SPARCL1: variants seen among roughly 807,000 people sequenced by gnomAD.
SPARCL1 encodes SPARC like 1.
Under a neutral mutation model 67.1 loss-of-function variants are expected in SPARCL1, and 52 were observed. The observed-to-expected ratio is 0.78, with a 90% CI of 0.62 to 0.98. The LOEUF (loss-of-function observed/expected upper bound fraction) is 0.98. SPARCL1 is among the 50% of genes least tolerant of loss of function. The pLI, the probability that SPARCL1 is intolerant of heterozygous loss-of-function variation, is 0.00. For synonymous variants in SPARCL1, 226 were observed against 267.8 expected (o/e 0.84, Z 1.52); for missense variants, 717 against 782.4 (o/e 0.92, Z 1.00).
intron 1 of SPARCL1, among the ~76,000 whole-genome samples, chr4:87,514,466 T>C (rs1725503579): frequency 6.6e-6 from 1 of 152,216 alleles, no homozygotes; most frequent in Admixed American, 6.5e-5. Flanking sequence ...TTTTCCATCC[T>C]GTAATTGAAA....
intron 1 of SPARCL1, among the ~76,000 whole-genome samples, chr4:87,522,640 AAC>A (rs57929830): frequency 0.062 from 8,174 of 131,634 alleles, 283 homozygotes; most frequent in African/African-American, 0.1. Flanking sequence ...ACCACCACCA[AAC>A]ACACACACAC....
rs893574481 is a variant in SPARCL1 at position 87,516,555 on chromosome 4, C to A, written c.-12+12490G>T. Among the ~76,000 whole-genome samples the A allele has an allele frequency of 5.3e-5, 8 of 152,100 alleles. 1 individual carries two copies. Among genetic ancestry groups the A allele is most frequent in the Admixed American group, 5.2e-4 (8 of 15,272 alleles). ...CTATGCTAAGCACTTCACCTGTGTA[C>A]CATCCATGCACTCCCATCTGTGACC... On this transcript the variant is annotated intron_variant, in intron 1 of 10. Transcript: ENST00000282470.
At chr4:87,491,944 A>G (rs111453843) in intron 4 of SPARCL1, among the ~76,000 whole-genome samples, 7 of 26,864 alleles carry the variant, frequency 2.6e-4, no homozygotes, top group South Asian at 3.4e-3. Context: ...ATCTCTACCC[A>G]CCCCCCCCCC....
In SPARCL1 at chr4:87,479,518, G is replaced by T; in HGVS notation, c.1878C>A (p.Cys626Ter). 1.2e-6 allele frequency: 2 copies of T among 1,614,102 alleles called. No individual in the cohort carries two copies. The highest frequency in any genetic ancestry group is 2.2e-5 in the South Asian group (2 of 91,082). Residue 626 changes from cysteine to a stop codon, truncating the protein, a stop_gained, in exon 10 of 11, where the codon TGC becomes TGA. Transcript: ENST00000282470. LOFTEE classifies it high-confidence loss of function. ...CACACTCCTCAAAGAAACGGGTTAT[G>T]CAGTGTTCCATGGGCACCAGAGATG... The part of the protein sequence containing the change: ...LRASLVPMEH[C>*]ITRFFEECDP...
Position 87,522,741 on chromosome 4 carries a change from C to A in SPARCL1, c.-12+6304G>T, listed in dbSNP as rs56151534. Among the ~76,000 whole-genome samples the A allele has an allele frequency of 5.9e-3, 893 of 151,632 alleles. 17 individuals are homozygous for A. The highest frequency in any genetic ancestry group is 0.02 in the African/African-American group (836 of 41,290). On this transcript the variant is annotated intron_variant, in intron 1 of 10. Transcript: ENST00000282470. Reference sequence around the variant, plus strand: ...CAGATCAAGGAAAGCCATTATTGATCCTGAGTGGAGGTCAGGATCCTTATA... The same window carrying A: ...CAGATCAAGGAAAGCCATTATTGATACTGAGTGGAGGTCAGGATCCTTATA...
rs149845448 is a variant in SPARCL1, at chr4:87,509,175, A to T, written c.-11-9590T>A. On this transcript the variant is annotated intron_variant, in intron 1 of 10. Transcript: ENST00000282470. ...AAAGAGAGATAGGAGGCATTTTTAAATTAGGTAGTTGATAATAGCTAACTT... is the reference window on the plus strand; with the variant it reads ...AAAGAGAGATAGGAGGCATTTTTAATTTAGGTAGTTGATAATAGCTAACTT... Among the ~76,000 whole-genome samples, 29 of 151,780 alleles carry T rather than the reference A, an allele frequency of 1.9e-4. 1 individual carries two copies. The highest frequency in any genetic ancestry group is 6.8e-4 in the African/African-American group (28 of 41,464).
intron 1 of SPARCL1, among the ~76,000 whole-genome samples, chr4:87,502,733 T>C (rs987194716): frequency 3.3e-5 from 5 of 152,216 alleles, no homozygotes; most frequent in Non-Finnish European, 5.9e-5. Flanking sequence ...CTCTAATGTC[T>C]GATGTATTTG....
At chr4:87,482,355 C>T (rs1413661219) in intron 8 of SPARCL1, 69 bp downstream of exon 8, 2 of 1,544,410 alleles carry the variant, frequency 1.3e-6, no homozygotes, top group South Asian at 2.3e-5. Context: ...TAGGTAGCCC[C>T]CCCACCACGT....
chr4:87,511,963 T>G (rs187528248), intron 1 of SPARCL1, among the ~76,000 whole-genome samples: 59 of 119,568 alleles, frequency 4.9e-4, no homozygotes, highest in Admixed American at 7.6e-4. Context: ...TCCTCTTTCT[T>G]TCTCTTTTTT....
chr4:87,521,646 G>T (rs1246408697), intron 1 of SPARCL1, among the ~76,000 whole-genome samples: 2 of 152,150 alleles, frequency 1.3e-5, no homozygotes, highest in South Asian at 2.1e-4. Context: ...ATATTTTTGG[G>T]TTTCAAGGCA....
At chr4:87,495,456 A>G (rs958240820) in intron 2 of SPARCL1, among the ~76,000 whole-genome samples, 1 of 152,224 alleles carries the variant, frequency 6.6e-6, no homozygotes, top group Non-Finnish European at 1.5e-5. Context: ...GTACTTTACA[A>G]TTTTGGAAAG....
intron 2 of SPARCL1, among the ~76,000 whole-genome samples, chr4:87,495,745 C>T (rs1724588785): frequency 6.6e-6 from 1 of 152,056 alleles, no homozygotes. Flanking sequence ...GCCTGGACAA[C>T]ATGGTGAAAC....
intron 1 of SPARCL1, among the ~76,000 whole-genome samples, chr4:87,507,094 A>G (rs1725115924): frequency 6.6e-6 from 1 of 152,224 alleles, no homozygotes. Flanking sequence ...GTCCAGTGGA[A>G]CATTAAAGTC....
chr4:87,479,214 C>A (rs1405311974), intron 10 of SPARCL1, among the ~76,000 whole-genome samples: 1 of 152,176 alleles, frequency 6.6e-6, no homozygotes, highest in Admixed American at 6.5e-5. Context: ...GCATGTTCAC[C>A]CTTGCTACCC....
At chr4:87,494,676 C>A (rs1183285105) in intron 3 of SPARCL1, 78 bp from the exon 4 acceptor site, 27 of 1,169,940 alleles carry the variant, frequency 2.3e-5, no homozygotes, top group Non-Finnish European at 2.6e-5. Context: ...ATTTAATATT[C>A]ATTATTCTTT....
At chr4:87,506,661 A>ATT (rs1467068021) in intron 1 of SPARCL1, among the ~76,000 whole-genome samples, 1 of 152,206 alleles carries the variant, frequency 6.6e-6, no homozygotes, top group Non-Finnish European at 1.5e-5. Flanking sequence ...TCAGGTCTTC[A>ATT]GACTTGAACG....
chr4:87,526,221 T>C (rs1023301394), intron 1 of SPARCL1, among the ~76,000 whole-genome samples: 4 of 152,212 alleles, frequency 2.6e-5, no homozygotes, highest in African/African-American at 9.7e-5. Flanking sequence ...AGCAGTGAAG[T>C]CTCATAGTAA....
chr4:87,506,664 C>CCTGAGAACCTTCATTGAACCTTCA (rs1725085637), intron 1 of SPARCL1, among the ~76,000 whole-genome samples: 1 of 152,182 alleles, frequency 6.6e-6, no homozygotes, highest in Non-Finnish European at 1.5e-5. Flanking sequence ...GGTCTTCAGA[C>CCTGAGAACCTTCATTGAACCTTCA]TTGAACGGGA....
At chr4:87,521,695 G>A (rs947105262) in intron 1 of SPARCL1, among the ~76,000 whole-genome samples, 1 of 152,186 alleles carries the variant, frequency 6.6e-6, no homozygotes, top group Non-Finnish European at 1.5e-5. Context: ...TTTGTCTAAA[G>A]TTTAATGAAC....
Sources: allele counts gnomAD v4.1 joint callset (sites outside exome capture counted in the v4.1 genomes callset), GRCh38; gene constraint gnomAD v4.1.1; transcripts MANE v1.5; gene names NCBI Gene and HGNC (gene_info 2026-07-23, HGNC 2026-07-21).